The following FRMD5 variants were observed in gnomAD, a reference collection of about 807,000 sequenced individuals.
FRMD5 encodes FERM domain-containing protein 5.
In FRMD5, 20 loss-of-function variants were observed where a neutral mutation model predicts 69.0. The ratio of observed to expected loss-of-function variants is 0.29; its 90% CI spans 0.20 to 0.42. FRMD5 has a LOEUF of 0.42. Ranked by LOEUF, FRMD5 falls within the 10% of genes least tolerant of loss-of-function variation. FRMD5 has a pLI of 1.00. For synonymous variants in FRMD5, 271 were observed against 260.1 expected (o/e 1.04, Z -0.40); for missense variants, 595 against 708.6 (o/e 0.84, Z 1.82).
intron 1 of FRMD5, among the ~76,000 whole-genome samples, chr15:44,066,279 T>C (rs1893307701): frequency 6.6e-6 from 1 of 152,240 alleles, no homozygotes; most frequent in Non-Finnish European, 1.5e-5. Flanking sequence ...GGGTGGCTGC[T>C]GGAGAGGTCC....
chr15:44,138,599 T>C (rs182230554), intron 1 of FRMD5, among the ~76,000 whole-genome samples: 2 of 152,160 alleles, frequency 1.3e-5, no homozygotes, highest in African/African-American at 2.4e-5. Context: ...AAACCTACAA[T>C]GACCATGTTA....
chr15:44,199,031 A>G, upstream of FRMD5, among the ~76,000 whole-genome samples: 1 of 152,102 alleles, frequency 6.6e-6, no homozygotes, highest in East Asian at 1.9e-4. Context: ...TAAACAAAGC[A>G]TTTCGTGTCT....
intron 1 of FRMD5, among the ~76,000 whole-genome samples, chr15:44,003,266 C>T (rs1272048347): frequency 6.6e-6 from 1 of 152,220 alleles, no homozygotes; most frequent in Admixed American, 6.5e-5. Flanking sequence ...CAAGCCACCA[C>T]CATCGTCTTG....
intron 1 of FRMD5, among the ~76,000 whole-genome samples, chr15:44,098,573 T>C (rs561667274): frequency 4.6e-4 from 70 of 151,558 alleles, no homozygotes; most frequent in African/African-American, 1.6e-3. Context: ...AAGCAATCTA[T>C]GACTTAGTTT....
chr15:44,165,805 TG>T (rs2077699407), intron 1 of FRMD5, among the ~76,000 whole-genome samples: 1 of 152,148 alleles, frequency 6.6e-6, no homozygotes, highest in Non-Finnish European at 1.5e-5. Context: ...TACTCCAGCC[TG>T]GGCGACAGAG....
intron 1 of FRMD5, among the ~76,000 whole-genome samples, chr15:44,047,263 C>G (rs1255507261): frequency 6.6e-6 from 1 of 151,834 alleles, no homozygotes. Context: ...GAGCTGAGAT[C>G]GTGCCACTGC....
intron 1 of FRMD5, among the ~76,000 whole-genome samples, chr15:44,123,931 C>T (rs1274906596): frequency 6.6e-6 from 1 of 152,088 alleles, no homozygotes; most frequent in Non-Finnish European, 1.5e-5. Context: ...GTAAACTCTT[C>T]TTGAAAAAAA....
At chr15:44,116,456 G>A (rs1014385627) in intron 1 of FRMD5, among the ~76,000 whole-genome samples, 2 of 152,104 alleles carry the variant, frequency 1.3e-5, no homozygotes, top group African/African-American at 4.8e-5. Context: ...AACTGGCAGA[G>A]CCTGTGTCCT....
rs2088255088 is a variant in FRMD5 at position 43,874,229 on chromosome 15, C to T, written c.1369G>A (p.Glu457Lys). 1.2e-6 allele frequency: 2 copies of T among 1,614,124 alleles called. No homozygotes were observed. The highest frequency in any genetic ancestry group is 1.6e-4 in the Middle Eastern group (1 of 6,084). ...RQINGATCSI[E>K]EEKESEASTP... The stretch of plus-strand genomic sequence containing the variant: ...CTGGCTTCAGATTCCTTCTCCTCCT[C>T]AATGCTGCAGGTGGCTCCATTGATC... The change falls in exon 14 of 14, where the codon GAG (glutamate) becomes AAG (lysine). Residue 457 changes from glutamate (E) to lysine (K), a missense_variant. Physicochemically the swap from Glu to Lys is moderately conservative, Grantham distance 56. Coordinates refer to ENST00000417257, the MANE Select transcript of FRMD5 (RefSeq NM_032892.5).
At chr15:44,119,705 T>C (rs1457640031) in intron 1 of FRMD5, among the ~76,000 whole-genome samples, 2 of 147,886 alleles carry the variant, frequency 1.4e-5, no homozygotes, top group East Asian at 2.0e-4. Context: ...ATAGAAAAGC[T>C]GAAATCATAG....
intron 1 of FRMD5, among the ~76,000 whole-genome samples, chr15:43,997,262 C>G (rs1218485633): frequency 6.6e-6 from 1 of 152,174 alleles, no homozygotes; most frequent in Non-Finnish European, 1.5e-5. Flanking sequence ...GGCATCTTTG[C>G]TCTACCTCTC....
intron 1 of FRMD5, among the ~76,000 whole-genome samples, chr15:43,977,579 A>C (rs2090483631): frequency 6.6e-6 from 1 of 152,122 alleles, no homozygotes; most frequent in Non-Finnish European, 1.5e-5. Context: ...TTTGAAAAAA[A>C]TTTCATCAAG....
At chr15:44,170,650 C>A (rs2077786097) in intron 1 of FRMD5, among the ~76,000 whole-genome samples, 1 of 152,090 alleles carries the variant, frequency 6.6e-6, no homozygotes, top group African/African-American at 2.4e-5. Flanking sequence ...TTGGCCCCAA[C>A]AGTGTTCCTA....
chr15:43,913,926 G>A (rs190079438), intron 4 of FRMD5, among the ~76,000 whole-genome samples: 29 of 152,364 alleles, frequency 1.9e-4, no homozygotes, highest in African/African-American at 7.0e-4. Flanking sequence ...CTCTAGACCG[G>A]ATTTAGGAGA....
intron 1 of FRMD5, among the ~76,000 whole-genome samples, chr15:43,946,968 ACTT>A (rs1210390875): frequency 7.9e-5 from 12 of 152,208 alleles, no homozygotes; most frequent in African/African-American, 2.9e-4. Context: ...GCATTAAACT[ACTT>A]CTCTCAGTTT....
At chr15:44,181,071 G>T (rs2140564728) in intron 1 of FRMD5, among the ~76,000 whole-genome samples, 1 of 152,016 alleles carries the variant, frequency 6.6e-6, no homozygotes, top group South Asian at 2.1e-4. Flanking sequence ...ACCAGATCTT[G>T]GTCTGTTGCC....
intron 1 of FRMD5, among the ~76,000 whole-genome samples, chr15:44,169,391 A>G (rs1172753684): frequency 6.6e-6 from 1 of 152,098 alleles, no homozygotes; most frequent in African/African-American, 2.4e-5. Context: ...AAAAAAAAAA[A>G]TTAAGAGAAG....
chr15:44,066,963 T>A (rs564739179), intron 1 of FRMD5, among the ~76,000 whole-genome samples: 57 of 152,018 alleles, frequency 3.7e-4, no homozygotes, highest in Non-Finnish European at 7.2e-4. Context: ...AAAGAAAGAT[T>A]AGTAGAGAAC....
At chr15:43,941,876 G>A (rs755002676) in intron 1 of FRMD5, among the ~76,000 whole-genome samples, 1 of 152,132 alleles carries the variant, frequency 6.6e-6, no homozygotes, top group Non-Finnish European at 1.5e-5. Flanking sequence ...TGAAGACGTA[G>A]TCCATCAGCA....
Sources: allele counts gnomAD v4.1 joint callset (sites outside exome capture counted in the v4.1 genomes callset), GRCh38; gene constraint gnomAD v4.1.1; transcripts MANE v1.5; gene names NCBI Gene and HGNC (gene_info 2026-07-23, HGNC 2026-07-21).